The following HPSE2 variants were observed in gnomAD, a reference collection of about 807,000 sequenced individuals.
HPSE2 encodes heparanase 2 (inactive).
A neutral mutation model predicts 60.5 loss-of-function variants in HPSE2; 38 were observed. That is an observed-to-expected ratio of 0.63 (90% CI 0.48 to 0.82). The LOEUF (loss-of-function observed/expected upper bound fraction) is 0.82, where lower values mean the gene tolerates loss of function less well. HPSE2 is among the 40% of genes least tolerant of loss of function. HPSE2 has a pLI of 0.00. For synonymous variants in HPSE2, 295 were observed against 293.2 expected (o/e 1.01, Z -0.06); for missense variants, 713 against 740.4 (o/e 0.96, Z 0.43).
intron 9 of HPSE2, among the ~76,000 whole-genome samples, chr10:98,513,169 C>CT (rs1406487171): frequency 6.6e-6 from 1 of 152,160 alleles, no homozygotes; most frequent in African/African-American, 2.4e-5. Flanking sequence ...CTATGAGGGC[C>CT]TTGAGGTATC....
intron 4 of HPSE2, among the ~76,000 whole-genome samples, chr10:98,732,932 C>G (rs1243400095): frequency 6.6e-6 from 1 of 152,076 alleles, no homozygotes; most frequent in Non-Finnish European, 1.5e-5. Context: ...AATAAAATAA[C>G]CCACTTAAAA....
intron 11 of HPSE2, among the ~76,000 whole-genome samples, chr10:98,482,321 G>A (rs527790445): frequency 9.2e-5 from 14 of 152,156 alleles, no homozygotes; most frequent in Admixed American, 2.0e-4. Context: ...GGTGAGCAGC[G>A]GCCAAGGATG....
intron 3 of HPSE2, among the ~76,000 whole-genome samples, chr10:98,927,122 T>C (rs10786486): frequency 0.31 from 47,748 of 151,852 alleles, 9,195 homozygotes; most frequent in African/African-American, 0.54. Flanking sequence ...CTATTAGGTC[T>C]GCTTGGTGCA....
Position 98,580,863 on chromosome 10 carries a change from T to TGTGTGTGA in HPSE2, c.1320+34040_1320+34041insTCACACAC, listed in dbSNP as rs758991622. Among the ~76,000 whole-genome samples, 578 of 142,606 alleles carry TGTGTGTGA rather than the reference T, an allele frequency of 4.1e-3. 15 individuals are homozygous for TGTGTGTGA. The highest frequency in any genetic ancestry group is 0.012 in the African/African-American group (462 of 38,074). 93.6% of individuals were successfully genotyped at this position (142,606 alleles called of 152,430 possible). On this transcript the variant is annotated intron_variant, in intron 9 of 11. Coordinates refer to ENST00000370552, the MANE Select transcript of HPSE2 (RefSeq NM_021828.5). ...GTGTGTGTGTGTGTGTGTGTGTGTGTGATAAACATGATATATATAAAATAT... is the reference window on the plus strand; with the variant it reads ...GTGTGTGTGTGTGTGTGTGTGTGTGTGTGTGTGAGATAAACATGATATATATAAAATAT...
intron 1 of HPSE2, among the ~76,000 whole-genome samples, chr10:99,233,238 G>A (rs1849726958): frequency 6.6e-6 from 1 of 151,730 alleles, no homozygotes; most frequent in South Asian, 2.1e-4. Context: ...CACAGTAAAG[G>A]CAAAGTCTCT....
intron 3 of HPSE2, among the ~76,000 whole-genome samples, chr10:98,964,542 TC>T (rs1485996001): frequency 6.6e-6 from 1 of 152,114 alleles, no homozygotes; most frequent in Non-Finnish European, 1.5e-5. Flanking sequence ...AGTTTGGTTT[TC>T]CCACCCACTA....
In HPSE2 at chr10:99,231,361, G is replaced by A. The variant is rs527589485; in HGVS notation, c.448+987C>T. Among the ~76,000 whole-genome samples, 13 of 152,246 alleles carry A rather than the reference G, an allele frequency of 8.5e-5. No homozygotes were observed. In the East Asian group the frequency reaches 2.5e-3, roughly 29 times the overall value. ...TTTACTTATAAGAAGGAACAGCAAC[G>A]GGGATGATAGCCCTCCAAGAATGGA... On this transcript the variant is annotated intron_variant, in intron 2 of 11. Coordinates refer to ENST00000370552, the MANE Select transcript of HPSE2 (RefSeq NM_021828.5).
chr10:98,546,116 A>C (rs1168339682), intron 9 of HPSE2, among the ~76,000 whole-genome samples: 1 of 134,518 alleles, frequency 7.4e-6, no homozygotes, highest in African/African-American at 2.5e-5. Context: ...GGACCTCTTC[A>C]AGGAGAACTA....
intron 9 of HPSE2, among the ~76,000 whole-genome samples, chr10:98,600,913 A>ATT (rs1565002963): frequency 3.4e-5 from 1 of 29,594 alleles, no homozygotes; most frequent in Admixed American, 4.0e-4. Flanking sequence ...GTGTGTGTGT[A>ATT]TATATATATA....
intron 3 of HPSE2, among the ~76,000 whole-genome samples, chr10:98,983,453 C>T (rs1349893832): frequency 6.6e-6 from 1 of 152,196 alleles, no homozygotes; most frequent in South Asian, 2.1e-4. Context: ...TTTTGCCAAT[C>T]TCGGGATATT....
At chr10:98,876,521 A>G (rs1211340063) in intron 3 of HPSE2, among the ~76,000 whole-genome samples, 1 of 151,956 alleles carries the variant, frequency 6.6e-6, no homozygotes, top group African/African-American at 2.4e-5. Flanking sequence ...TTTAACTGAC[A>G]TGCAGACCAA....
chr10:98,522,398 G>C (rs1169316657), intron 9 of HPSE2, among the ~76,000 whole-genome samples: 1 of 152,128 alleles, frequency 6.6e-6, no homozygotes, highest in African/African-American at 2.4e-5. Flanking sequence ...GAAGAGCAAA[G>C]TGTGAGGCAG....
chr10:99,184,815 TATATAGAGAGAGAG>T (rs1321657316), intron 2 of HPSE2, among the ~76,000 whole-genome samples: 28 of 28,636 alleles, frequency 9.8e-4, no homozygotes, highest in African/African-American at 2.4e-3. Context: ...TATATATATA[TATATAGAGAGAGAG>T]AGAGAGAGAG....
At chr10:98,904,146 TTTG>T (rs1953743689) in intron 3 of HPSE2, among the ~76,000 whole-genome samples, 1 of 152,200 alleles carries the variant, frequency 6.6e-6, no homozygotes, top group Non-Finnish European at 1.5e-5. Context: ...TAATCATTGA[TTTG>T]TTAACTTTCT....
At chr10:98,813,609 G>A (rs1234247417) in intron 3 of HPSE2, among the ~76,000 whole-genome samples, 1 of 152,088 alleles carries the variant, frequency 6.6e-6, no homozygotes, top group Admixed American at 6.6e-5. Context: ...CAGAGATTCT[G>A]GAATCAATCA....
At chr10:99,183,885 A>G (rs752229703) in intron 2 of HPSE2, among the ~76,000 whole-genome samples, 1 of 152,248 alleles carries the variant, frequency 6.6e-6, no homozygotes, top group Non-Finnish European at 1.5e-5. Context: ...AAGGGTATGA[A>G]TACAGAAGGG....
chr10:99,048,364 CT>C, intron 3 of HPSE2: 1 of 251,498 alleles, frequency 4.0e-6, no homozygotes. Flanking sequence ...TGCTCTCAAA[CT>C]GAAAAAAAAA....
chr10:98,744,119 T>C lies in HPSE2; in HGVS notation c.611-63A>G, dbSNP rs552867598. Reference sequence around the variant, plus strand: ...CAACATTCCAACAAAAGGAAAATAGTAGCTAATATAAAAAGCCTTTCTATG... The same window carrying C: ...CAACATTCCAACAAAAGGAAAATAGCAGCTAATATAAAAAGCCTTTCTATG... On this transcript the variant is annotated intron_variant, in intron 3 of 11. Transcript: ENST00000370552. The C allele has an allele frequency of 2.4e-4, 352 of 1,473,092 alleles. 2 individuals are homozygous for C. Among genetic ancestry groups the C allele is most frequent in the South Asian group, 1.3e-3 (112 of 84,288 alleles). The allele number at this position is 1,473,092 out of a possible 1,614,324, so 91.3% of individuals were successfully genotyped here.
At chr10:98,999,742 A>C (rs1453607742) in intron 3 of HPSE2, among the ~76,000 whole-genome samples, 1 of 152,156 alleles carries the variant, frequency 6.6e-6, no homozygotes, top group Non-Finnish European at 1.5e-5. Context: ...GCTTGCTTTA[A>C]AGGAAAGATT....
Sources: allele counts gnomAD v4.1 joint callset (sites outside exome capture counted in the v4.1 genomes callset), GRCh38; gene constraint gnomAD v4.1.1; transcripts MANE v1.5; gene names NCBI Gene and HGNC (gene_info 2026-07-23, HGNC 2026-07-21).